IREB2: variants seen among roughly 807,000 people sequenced by gnomAD.
IREB2 encodes iron-responsive element-binding protein 2.
IREB2 carries 39 observed loss-of-function variants against 118.8 expected under a neutral mutation model. The ratio of observed to expected loss-of-function variants is 0.33; its 90% confidence interval spans 0.25 to 0.43. The LOEUF is 0.43. IREB2 is among the 20% of genes least tolerant of loss of function. The pLI, the probability that IREB2 is intolerant of heterozygous loss-of-function variation, is 1.00. For synonymous variants in IREB2, 372 were observed against 392.2 expected (o/e 0.95, Z 0.61); for missense variants, 900 against 1,147.3 (o/e 0.78, Z 3.11).
intron 2 of IREB2, among the ~76,000 whole-genome samples, chr15:78,452,859 T>C (rs1201333870): frequency 6.6e-6 from 1 of 152,216 alleles, no homozygotes; most frequent in Non-Finnish European, 1.5e-5. Context: ...AACTCCTGGA[T>C]CAGAGACAAT....
In IREB2 at chr15:78,478,376, A is replaced by G; in HGVS notation, c.1275A>G (p.Ser425=). The G allele has an allele frequency of 1.2e-6, 2 of 1,605,072 alleles. No homozygotes were observed. The highest frequency in any genetic ancestry group is 1.7e-6 in the Non-Finnish European group (2 of 1,171,764). Residue 425 remains serine (S), a synonymous_variant, in exon 10 of 22, where the codon TCA becomes TCG. Coordinates refer to ENST00000258886, the MANE Select transcript of IREB2 (RefSeq NM_004136.4). The part of the protein sequence containing the change: ...VKLFRNDQNS[S]GEPEYSQVIQ... ...TGTTTCGAAATGACCAGAATTCTTCAGGAGAACCTGAATACTCCCAGGTAT... is the reference window on the plus strand; with the variant it reads ...TGTTTCGAAATGACCAGAATTCTTCGGGAGAACCTGAATACTCCCAGGTAT...
chr15:78,495,418 C>T (rs1288372168), intron 20 of IREB2, among the ~76,000 whole-genome samples: 1 of 152,168 alleles, frequency 6.6e-6, no homozygotes, highest in Non-Finnish European at 1.5e-5. Flanking sequence ...CATTAAAAAA[C>T]TGATTACAAG....
chr15:78,483,260 G>A, intron 10 of IREB2, 58 bp from the exon 11 acceptor site: 2 of 790,726 alleles, frequency 2.5e-6, no homozygotes, highest in Non-Finnish European at 4.4e-6. Flanking sequence ...GCTTCAATTG[G>A]AATCTGTCGT....
At chr15:78,445,950 A>G (rs2050921653) in intron 2 of IREB2, among the ~76,000 whole-genome samples, 1 of 152,068 alleles carries the variant, frequency 6.6e-6, no homozygotes, top group African/African-American at 2.4e-5. Flanking sequence ...ATGCCTGGCT[A>G]AATTTTAAAT....
intron 20 of IREB2, among the ~76,000 whole-genome samples, chr15:78,495,981 G>A (rs1023702769): frequency 2.6e-5 from 4 of 152,198 alleles, no homozygotes; most frequent in African/African-American, 4.8e-5. Context: ...CTACTCTTGT[G>A]GAGTGGGGAT....
intron 2 of IREB2, among the ~76,000 whole-genome samples, chr15:78,449,550 CT>C (rs2050988490): frequency 6.6e-6 from 1 of 152,198 alleles, no homozygotes; most frequent in South Asian, 2.1e-4. Context: ...GTAAAGTTTT[CT>C]GATTGAAAGA....
At chr15:78,443,705 G>T (rs897480528) in intron 2 of IREB2, among the ~76,000 whole-genome samples, 1 of 151,800 alleles carries the variant, frequency 6.6e-6, no homozygotes, top group African/African-American at 2.4e-5. Context: ...GGAGTGCAGT[G>T]GCATGATCTT....
chr15:78,483,798 T>G (rs1269106959), intron 11 of IREB2, among the ~76,000 whole-genome samples: 1 of 151,992 alleles, frequency 6.6e-6, no homozygotes, highest in African/African-American at 2.4e-5. Context: ...TTTTTTTTTT[T>G]TTTGAGACAG....
chr15:78,439,980 T>C (rs2050819923), intron 2 of IREB2, 99 bp downstream of exon 2: 1 of 742,350 alleles, frequency 1.3e-6, no homozygotes, highest in Non-Finnish European at 2.3e-6. Flanking sequence ...ATTTCCACCG[T>C]ATTGTAACAG....
intron 20 of IREB2, among the ~76,000 whole-genome samples, chr15:78,495,217 A>C (rs1243396505): frequency 6.6e-6 from 1 of 152,222 alleles, no homozygotes; most frequent in Non-Finnish European, 1.5e-5. Flanking sequence ...CTCCTTTAAA[A>C]TGTAAATACT....
upstream of IREB2, chr15:78,438,112 T>C: frequency 3.6e-6 from 2 of 555,762 alleles, no homozygotes; most frequent in South Asian, 4.4e-5. Context: ...GCTCCGCCCC[T>C]TCCCTTTCTT....
At chr15:78,489,406 G>A (rs935199344) in intron 16 of IREB2, among the ~76,000 whole-genome samples, 3 of 152,142 alleles carry the variant, frequency 2.0e-5, no homozygotes, top group Non-Finnish European at 4.4e-5. Flanking sequence ...TTGATTAGGT[G>A]TTCAGAATAC....
At chr15:78,493,183 AC>A (rs1566997743) in intron 18 of IREB2, among the ~76,000 whole-genome samples, 1 of 149,202 alleles carries the variant, frequency 6.7e-6, no homozygotes, top group Non-Finnish European at 1.5e-5. Context: ...AGAAAACTAT[AC>A]AAGTAACTTT....
rs571883360 is a variant in IREB2, at chr15:78,469,615, CAG to C, written c.630-916_630-915del. On this transcript the variant is annotated intron_variant, in intron 5 of 21. Transcript: ENST00000258886. ...GTGCATACCTGTAATCCCAGCTACT[CAG>C]GGGGCTGAGGTAGGAGAATCGCTTG... Among the ~76,000 whole-genome samples, 20 of 152,020 alleles carry C rather than the reference CAG, an allele frequency of 1.3e-4. No homozygotes were observed. In the South Asian group the frequency reaches 4.0e-3, roughly 30 times the overall value.
chr15:78,489,395 A>C lies in IREB2; in HGVS notation c.2076+624A>C, dbSNP rs78066311. On this transcript the variant is annotated intron_variant, in intron 16 of 21. Coordinates refer to ENST00000258886, the MANE Select transcript of IREB2 (RefSeq NM_004136.4). ...AACAGTTGAGGGGGGAAAAGAAAGA[A>C]TTGATTAGGTGTTCAGAATACATCA... 3.3e-3 allele frequency among the ~76,000 whole-genome samples: 497 copies of C among 152,332 alleles called. 6 individuals carry two copies. Among genetic ancestry groups the C allele is most frequent in the African/African-American group, 0.011 (450 of 41,578 alleles).
At chr15:78,457,760 G>A (rs1555449474) in intron 2 of IREB2, among the ~76,000 whole-genome samples, 1 of 151,652 alleles carries the variant, frequency 6.6e-6, no homozygotes, top group African/African-American at 2.4e-5. Context: ...TTTTTTTCTA[G>A]TGGGTTTATA....
intron 18 of IREB2, among the ~76,000 whole-genome samples, chr15:78,492,555 T>G (rs1015178826): frequency 3.3e-5 from 5 of 151,068 alleles, no homozygotes; most frequent in African/African-American, 4.9e-5. Flanking sequence ...TGAAGGAAAG[T>G]TTGTCATTTG....
intron 2 of IREB2, among the ~76,000 whole-genome samples, chr15:78,462,428 C>T (rs182700740): frequency 2.0e-5 from 3 of 152,234 alleles, no homozygotes; most frequent in East Asian, 3.9e-4. Context: ...TCAAAGTTTT[C>T]GTGAAATGAA....
At chr15:78,468,414 T>A (rs2051320918) in intron 5 of IREB2, among the ~76,000 whole-genome samples, 1 of 152,014 alleles carries the variant, frequency 6.6e-6, no homozygotes, top group Admixed American at 6.6e-5. Context: ...TGACTTATTT[T>A]ATCTACCTTT....
Sources: allele counts gnomAD v4.1 joint callset (sites outside exome capture counted in the v4.1 genomes callset), GRCh38; gene constraint gnomAD v4.1.1; transcripts MANE v1.5; gene names NCBI Gene and HGNC (gene_info 2026-07-23, HGNC 2026-07-21).